The following MTM1 variants were observed in gnomAD, a reference collection of about 807,000 sequenced individuals.
The protein encoded by MTM1 is myotubularin 1, also known as myotubularin.
In MTM1, 9 loss-of-function variants were observed where a neutral mutation model predicts 52.1. The observed-to-expected ratio is 0.17, with a 90% CI of 0.10 to 0.30. The LOEUF (loss-of-function observed/expected upper bound fraction) is 0.30. Among genes scored for constraint, MTM1 ranks in the 10% least tolerant of loss-of-function variants. The pLI is 1.00. For synonymous variants in MTM1, 136 were observed against 163.8 expected (o/e 0.83, Z 1.29); for missense variants, 277 against 470.7 (o/e 0.59, Z 3.81).
intron 6 of MTM1, among the ~76,000 whole-genome samples, chrX:150,636,313 T>C (rs782546632): frequency 4.5e-5 from 5 of 112,179 alleles, no homozygotes; most frequent in Non-Finnish European, 5.6e-5. Context: ...GTTAGGTAGA[T>C]AATTTTTGTT....
chrX:150,637,297 T>A lies in MTM1; in HGVS notation c.445-1646T>A, dbSNP rs142365918. On this transcript the variant is annotated intron_variant, in intron 6 of 14. Transcript: ENST00000370396. The stretch of plus-strand genomic sequence containing the variant: ...AGGGAACACTGGTGTTCAAAGTGAT[T>A]AGTCTGATGACAGAGGAAAATGGTT... 1.8e-3 allele frequency among the ~76,000 whole-genome samples: 206 copies of A among 112,030 alleles called. 1 individual carries two copies. Among genetic ancestry groups the A allele is most frequent in the Middle Eastern group, 9.1e-3 (2 of 219 alleles).
chrX:150,632,390 T>C (rs781803870), intron 6 of MTM1, among the ~76,000 whole-genome samples: 10 of 111,859 alleles, frequency 8.9e-5, no homozygotes, highest in African/African-American at 2.6e-4. Flanking sequence ...CAACAGGAGA[T>C]AGTGCTGGGG....
intron 1 of MTM1, among the ~76,000 whole-genome samples, chrX:150,571,036 A>G (rs2148393962): frequency 8.9e-6 from 1 of 112,124 alleles, no homozygotes; most frequent in Admixed American, 9.4e-5. Context: ...AAATGTAGTT[A>G]CTTAGAAACC....
chrX:150,587,192 C>T (rs1444910676), intron 1 of MTM1, among the ~76,000 whole-genome samples: 1 of 111,021 alleles, frequency 9.0e-6, no homozygotes, highest in African/African-American at 3.3e-5. Flanking sequence ...TTTTGACAAG[C>T]TCTCAATGGT....
intron 14 of MTM1, among the ~76,000 whole-genome samples, chrX:150,669,542 C>T (rs2040362203): frequency 8.9e-6 from 1 of 111,789 alleles, no homozygotes; most frequent in South Asian, 3.7e-4. Flanking sequence ...CATTTCCTGA[C>T]TTTTTAATAA....
At chrX:150,653,228 G>T (rs1185653508) in intron 10 of MTM1, among the ~76,000 whole-genome samples, 2 of 111,066 alleles carry the variant, frequency 1.8e-5, no homozygotes, top group African/African-American at 3.3e-5. Context: ...GTTGTGGATA[G>T]CCTTGAGTTG....
chrX:150,623,731 GAA>G (rs1288915940), intron 6 of MTM1, among the ~76,000 whole-genome samples: 2 of 110,421 alleles, frequency 1.8e-5, no homozygotes, highest in Non-Finnish European at 3.8e-5. Flanking sequence ...AGGAGGGGAA[GAA>G]AAGTTTCCAA....
chrX:150,617,397 C>T, intron 5 of MTM1, among the ~76,000 whole-genome samples: 1 of 112,119 alleles, frequency 8.9e-6, no homozygotes, highest in Non-Finnish European at 1.9e-5. Context: ...TGCATATCAT[C>T]CCATTGAAAT....
At chrX:150,655,526 G>C (rs185111063) in intron 10 of MTM1, among the ~76,000 whole-genome samples, 1 of 111,492 alleles carries the variant, frequency 9.0e-6, no homozygotes, top group Admixed American at 9.5e-5. Flanking sequence ...AAATAACGTG[G>C]TCTATCTATA....
rs188412335 is a variant in MTM1, at chrX:150,596,300, A to G, written c.64-198A>G. ...AAGCATGCTAGCATTATTTAATACT[A>G]GAAGTTGACACATCTAATTAATGTT... On this transcript the variant is annotated intron_variant, in intron 2 of 14. Coordinates refer to ENST00000370396, the MANE Select transcript of MTM1 (RefSeq NM_000252.3). Among the ~76,000 whole-genome samples the G allele has an allele frequency of 4.6e-3, 522 of 112,461 alleles. 4 individuals carry two copies. The highest frequency in any genetic ancestry group is 6.3e-3 in the Non-Finnish European group (337 of 53,325).
chrX:150,660,170 T>C (rs782353410), intron 12 of MTM1, among the ~76,000 whole-genome samples: 11 of 112,005 alleles, frequency 9.8e-5, no homozygotes, highest in Non-Finnish European at 2.1e-4. Flanking sequence ...CTTTATTGCT[T>C]TATTTAACAC....
intron 6 of MTM1, among the ~76,000 whole-genome samples, chrX:150,628,511 TAAGCATGGCTTCCAAATATA>T (rs201298212): frequency 0.058 from 6,435 of 110,727 alleles, 163 homozygotes; most frequent in Non-Finnish European, 0.076. Flanking sequence ...AGTGCCTTTC[TAAGCATGGCTTCCAAATATA>T]AAGCATGGCT....
chrX:150,672,524 A>G lies in MTM1; in HGVS notation c.*929A>G, dbSNP rs1486840279. 1 of 111,973 alleles carries G rather than the reference A, an allele frequency of 8.9e-6. No individual in the cohort carries two copies. Among genetic ancestry groups the G allele is most frequent in the African/African-American group, 3.3e-5 (1 of 30,759 alleles). The allele number at this position is 111,973 out of a possible 1,213,427, so 9.2% of individuals were successfully genotyped here. On this transcript the variant is annotated 3_prime_UTR_variant, in exon 15 of 15. Transcript: ENST00000370396. ...CCTTAGAAATCAGTGCCCCAGATGT[A>G]CATGTGTTGAGCGTATTCTTGAAAG...
chrX:150,565,841 G>A (rs1175074271), upstream of MTM1, among the ~76,000 whole-genome samples: 1 of 111,749 alleles, frequency 8.9e-6, no homozygotes, highest in Non-Finnish European at 1.9e-5. Context: ...TACTCAGAAG[G>A]GTTGTGGAAG....
intron 1 of MTM1, among the ~76,000 whole-genome samples, chrX:150,569,368 C>T (rs1326981598): frequency 8.8e-6 from 1 of 113,029 alleles, no homozygotes; most frequent in Non-Finnish European, 1.9e-5. Flanking sequence ...TTAGTATTTG[C>T]CTAAGCAAGT....
intron 8 of MTM1, among the ~76,000 whole-genome samples, chrX:150,645,180 G>A (rs782394819): frequency 1.8e-5 from 2 of 111,389 alleles, no homozygotes; most frequent in Non-Finnish European, 3.8e-5. Context: ...TCTTTGGGCT[G>A]TCCTGAGATC....
intron 5 of MTM1, among the ~76,000 whole-genome samples, chrX:150,615,305 C>T (rs2039363151): frequency 9.0e-6 from 1 of 111,110 alleles, no homozygotes; most frequent in African/African-American, 3.3e-5. Flanking sequence ...AGGCTGGGAC[C>T]CAAAAGGTGG....
intron 1 of MTM1, among the ~76,000 whole-genome samples, chrX:150,577,860 T>G (rs1251174321): frequency 8.9e-6 from 1 of 112,267 alleles, no homozygotes; most frequent in Non-Finnish European, 1.9e-5. Flanking sequence ...TTCACAAAAA[T>G]TTTCCCCTGT....
intron 4 of MTM1, among the ~76,000 whole-genome samples, chrX:150,613,010 G>A (rs1182293005): frequency 9.2e-6 from 1 of 108,155 alleles, no homozygotes; most frequent in Non-Finnish European, 1.9e-5. Flanking sequence ...AGTGTGGCTG[G>A]TGGTGTGTGC....
Sources: allele counts gnomAD v4.1 joint callset (sites outside exome capture counted in the v4.1 genomes callset), GRCh38; gene constraint gnomAD v4.1.1; transcripts MANE v1.5; gene names NCBI Gene and HGNC (gene_info 2026-07-23, HGNC 2026-07-21).